The following NCAM1 variants were observed in gnomAD, a reference collection of about 807,000 sequenced individuals.
NCAM1 encodes antigen recognized by monoclonal antibody 5.1H11.
Under a neutral mutation model 109.8 loss-of-function variants are expected in NCAM1, and 14 were observed. The ratio of observed to expected loss-of-function variants is 0.13; its 90% CI spans 0.08 to 0.20. The LOEUF (loss-of-function observed/expected upper bound fraction) is 0.20. NCAM1 is among the 10% of genes least tolerant of loss of function. The pLI, the probability that NCAM1 is intolerant of heterozygous loss-of-function variation, is 1.00. For synonymous variants in NCAM1, 418 were observed against 442.9 expected (o/e 0.94, Z 0.70); for missense variants, 774 against 1,109.9 (o/e 0.70, Z 4.30).
At chr11:113,260,535 G>A in intron 17 of NCAM1, 1 of 540,740 alleles carries the variant, frequency 1.8e-6, no homozygotes, top group Non-Finnish European at 3.2e-6. Context: ...AAGCATCCTG[G>A]AGAAAAGGTC....
At chr11:113,219,976 A>G (rs890928362) in intron 8 of NCAM1, among the ~76,000 whole-genome samples, 2 of 152,194 alleles carry the variant, frequency 1.3e-5, no homozygotes, top group Non-Finnish European at 2.9e-5. Context: ...CCTTGCATTT[A>G]GTGGACTCTT....
In NCAM1 at chr11:113,091,959, TAAGTA is replaced by T. The variant is rs150533343; in HGVS notation, c.53-110416_53-110412del. Reference sequence around the variant, plus strand: ...TTGGTGTCCTCCACCAATTCTTTCTTAAGTAAAGATTGAGTTCTACTCGAGTTCTG... The same window carrying T: ...TTGGTGTCCTCCACCAATTCTTTCTTAAGATTGAGTTCTACTCGAGTTCTG... On this transcript the variant is annotated intron_variant, in intron 1 of 19. Coordinates refer to ENST00000316851, the MANE Select transcript of NCAM1 (RefSeq NM_181351.5). Among the ~76,000 whole-genome samples, 1,120 of 152,222 alleles carry T rather than the reference TAAGTA, an allele frequency of 7.4e-3. 7 individuals are homozygous for T. The highest frequency in any genetic ancestry group is 0.025 in the African/African-American group (1,029 of 41,546).
intron 15 of NCAM1, among the ~76,000 whole-genome samples, chr11:113,246,613 G>A (rs1261013539): frequency 6.6e-6 from 1 of 152,214 alleles, no homozygotes; most frequent in Non-Finnish European, 1.5e-5. Context: ...GTTCTCTACA[G>A]TCAACCCACA....
rs1354586712 is a variant in NCAM1, at chr11:112,963,293, C to T, written c.52+1629C>T. 1 of 152,424 alleles carries T rather than the reference C, an allele frequency of 6.6e-6. No individual in the cohort carries two copies. The highest frequency in any genetic ancestry group is 6.5e-5 in the Admixed American group (1 of 15,296). 9.4% of individuals were successfully genotyped at this position (152,424 alleles called of 1,614,324 possible). On this transcript the variant is annotated intron_variant, in intron 1 of 19. Coordinates refer to ENST00000316851, the MANE Select transcript of NCAM1 (RefSeq NM_181351.5). This position sits in a 1 kb window ranked among gnomAD's most constrained non-coding sequence, Gnocchi z 4.6. ...AATAAAATGGAGACTAGGTGGTCAC[C>T]GGGAGTGCTCCTGGTCCGGCCGCCC...
intron 1 of NCAM1, among the ~76,000 whole-genome samples, chr11:113,190,445 G>T (rs1943642348): frequency 6.6e-6 from 1 of 152,134 alleles, no homozygotes; most frequent in Non-Finnish European, 1.5e-5. Flanking sequence ...AATGTATTTT[G>T]GATGTGCCAG....
intron 15 of NCAM1, among the ~76,000 whole-genome samples, chr11:113,254,891 C>A (rs185689520): frequency 1.1e-3 from 161 of 152,274 alleles, no homozygotes; most frequent in African/African-American, 3.8e-3. Context: ...GTATATGAGA[C>A]GTCCTCTCAC....
At chr11:113,111,039 G>A (rs1232406137) in intron 1 of NCAM1, among the ~76,000 whole-genome samples, 2 of 152,108 alleles carry the variant, frequency 1.3e-5, no homozygotes, top group African/African-American at 2.4e-5. Context: ...TGAGGACATC[G>A]AATCTAAAAG....
chr11:112,971,019 A>G (rs1243903872), intron 1 of NCAM1, among the ~76,000 whole-genome samples: 3 of 152,156 alleles, frequency 2.0e-5, no homozygotes, highest in South Asian at 2.1e-4. Context: ...GGTTTTAGAA[A>G]AAGTTTGGGC....
intron 1 of NCAM1, among the ~76,000 whole-genome samples, chr11:113,147,075 T>C (rs556278134): frequency 6.6e-6 from 1 of 152,314 alleles, no homozygotes; most frequent in South Asian, 2.1e-4. Flanking sequence ...ACCAAATTCT[T>C]TTGAAAATAT....
chr11:112,984,025 T>G (rs1951226653), intron 1 of NCAM1, among the ~76,000 whole-genome samples: 1 of 151,884 alleles, frequency 6.6e-6, no homozygotes, highest in South Asian at 2.1e-4. Context: ...AATTGCAACT[T>G]TGTACCCTTT....
intron 1 of NCAM1, among the ~76,000 whole-genome samples, chr11:112,993,230 G>A (rs1951511027): frequency 6.6e-6 from 1 of 152,166 alleles, no homozygotes; most frequent in South Asian, 2.1e-4. Context: ...CTTCTAGGGA[G>A]GCCTCAGGAA....
At chr11:113,097,515 T>G (rs1350135290) in intron 1 of NCAM1, among the ~76,000 whole-genome samples, 2 of 152,014 alleles carry the variant, frequency 1.3e-5, no homozygotes, top group Non-Finnish European at 2.9e-5. Context: ...TCCCGTTAGC[T>G]GAATGATCTG....
intron 1 of NCAM1, among the ~76,000 whole-genome samples, chr11:113,090,106 T>C (rs1399875709): frequency 6.6e-6 from 1 of 152,230 alleles, no homozygotes; most frequent in Admixed American, 6.5e-5. Flanking sequence ...ATTCTTTTTG[T>C]TTCATAATCT....
chr11:112,965,376 T>C (rs1555065080), intron 1 of NCAM1, among the ~76,000 whole-genome samples: 1 of 152,220 alleles, frequency 6.6e-6, no homozygotes, highest in Non-Finnish European at 1.5e-5. Flanking sequence ...TTCCAAGTTT[T>C]GAACAGTGCT....
At chr11:113,100,395 C>G (rs1197215589) in intron 1 of NCAM1, among the ~76,000 whole-genome samples, 1 of 152,144 alleles carries the variant, frequency 6.6e-6, no homozygotes, top group Non-Finnish European at 1.5e-5. Context: ...AAGTGTTAAC[C>G]AGCTCAGTAG....
At chr11:113,163,594 G>A (rs139353217) in intron 1 of NCAM1, among the ~76,000 whole-genome samples, 212 of 152,294 alleles carry the variant, frequency 1.4e-3, no homozygotes, top group African/African-American at 5.0e-3. Context: ...AGGAAGAGAT[G>A]TGTCCAGCCT....
At chr11:113,237,923 G>GAT (rs1456993954) in intron 14 of NCAM1, among the ~76,000 whole-genome samples, 11 of 21,780 alleles carry the variant, frequency 5.1e-4, no homozygotes, top group South Asian at 3.0e-3. Flanking sequence ...TAGATATATA[G>GAT]ATATAGATAT....
intron 1 of NCAM1, among the ~76,000 whole-genome samples, chr11:113,053,228 G>A (rs781955197): frequency 6.6e-6 from 1 of 152,150 alleles, no homozygotes; most frequent in Admixed American, 6.5e-5. Context: ...TCCTGCAAAG[G>A]ACATGATCTC....
chr11:113,179,356 CA>C (rs1555107610), intron 1 of NCAM1, among the ~76,000 whole-genome samples: 2 of 152,192 alleles, frequency 1.3e-5, no homozygotes, highest in Non-Finnish European at 1.5e-5. Context: ...AGCACATTTC[CA>C]TTTTCAGGGT....
Sources: allele counts gnomAD v4.1 joint callset (sites outside exome capture counted in the v4.1 genomes callset), GRCh38; gene constraint gnomAD v4.1.1; non-coding constraint Gnocchi (gnomAD v3.1); transcripts MANE v1.5; gene names NCBI Gene and HGNC (gene_info 2026-07-23, HGNC 2026-07-21).